SAMD3: variants seen among roughly 807,000 people sequenced by gnomAD.
SAMD3 encodes the protein sterile alpha motif domain containing 3, also known as sterile alpha motif domain-containing protein 3.
A neutral mutation model predicts 58.5 loss-of-function variants in SAMD3; 63 were observed. The ratio of observed to expected loss-of-function variants is 1.08; its 90% confidence interval spans 0.88 to 1.33. SAMD3 has a LOEUF of 1.33. Ranked by LOEUF, SAMD3 falls within the 40% of genes most tolerant of loss-of-function variation. The pLI is 0.00. For synonymous variants in SAMD3, 220 were observed against 210.3 expected (o/e 1.05, Z -0.40); for missense variants, 604 against 608.4 (o/e 0.99, Z 0.08).
At chr6:130,171,817 C>T (rs1037972023) in intron 8 of SAMD3, among the ~76,000 whole-genome samples, 6 of 152,134 alleles carry the variant, frequency 3.9e-5, no homozygotes, top group African/African-American at 9.7e-5. Context: ...GTGTTAAAGT[C>T]GCCTACTATT....
intron 2 of SAMD3, among the ~76,000 whole-genome samples, chr6:130,310,078 A>G (rs1346768754): frequency 6.6e-6 from 1 of 152,250 alleles, no homozygotes; most frequent in Admixed American, 6.5e-5. Flanking sequence ...ATAGAAAAAT[A>G]AAAGAAGAAT....
intron 7 of SAMD3, among the ~76,000 whole-genome samples, chr6:130,180,287 A>ATT (rs56155412): frequency 2.7e-4 from 19 of 69,416 alleles, no homozygotes; most frequent in South Asian, 5.2e-4. Context: ...TACCTGGCTA[A>ATT]TTTTTTTTTT....
chr6:130,209,795 T>C (rs534036228), intron 4 of SAMD3, among the ~76,000 whole-genome samples, 187 bp from the exon 5 acceptor site: 2 of 152,354 alleles, frequency 1.3e-5, no homozygotes, highest in African/African-American at 4.8e-5. Context: ...ATTCAGTGGT[T>C]CCTATGTGCC....
intron 1 of SAMD3, chr6:130,365,073 G>T: frequency 1.6e-6 from 1 of 638,376 alleles, no homozygotes; most frequent in Non-Finnish European, 2.0e-6. Flanking sequence ...CTGCACAGGG[G>T]GTGGTTGGAA....
chr6:130,224,952 A>C (rs1796347260), upstream of SAMD3, among the ~76,000 whole-genome samples: 1 of 152,050 alleles, frequency 6.6e-6, no homozygotes, highest in Non-Finnish European at 1.5e-5. Context: ...CCAAAAGGTA[A>C]AATTCATACC....
Position 130,175,822 on chromosome 6 carries a change from T to C in SAMD3, c.822+19A>G. 6.6e-7 allele frequency: 1 copy of C among 1,526,084 alleles called. No individual in the cohort carries two copies. Among genetic ancestry groups the C allele is most frequent in the Non-Finnish European group, 9.1e-7 (1 of 1,103,432 alleles). The allele number at this position is 1,526,084 out of a possible 1,614,324, so 94.5% of individuals were successfully genotyped here. A position where few individuals can be genotyped will look rare whatever the true frequency, so the allele number is the denominator to read the frequency against. ...ATCAATCTATCAAGTCATCAGAACA[T>C]TTAGGAATTCAATCTTACTTTTATC... On this transcript the variant is annotated intron_variant, in intron 8 of 11. Transcript: ENST00000439090.
intron 2 of SAMD3, among the ~76,000 whole-genome samples, chr6:130,231,602 T>C (rs1160045390): frequency 1.3e-5 from 2 of 151,896 alleles, no homozygotes; most frequent in Non-Finnish European, 2.9e-5. Context: ...TTTTTAAGGA[T>C]AGCATTTCAA....
At chr6:130,278,420 A>T (rs1381751233) in intron 2 of SAMD3, among the ~76,000 whole-genome samples, 2 of 152,212 alleles carry the variant, frequency 1.3e-5, no homozygotes, top group Admixed American at 6.5e-5. Context: ...TGTCTTGATA[A>T]AACAGCTCTG....
chr6:130,145,458 A>C, intron 10 of SAMD3, 36 bp from the exon 11 acceptor site: 2 of 1,474,024 alleles, frequency 1.4e-6, no homozygotes. Flanking sequence ...TGAAGTAAAA[A>C]TAAGCTTTTA....
intron 1 of SAMD3, among the ~76,000 whole-genome samples, chr6:130,348,592 C>T (rs1227284580): frequency 1.3e-5 from 2 of 152,134 alleles, no homozygotes; most frequent in African/African-American, 4.8e-5. Flanking sequence ...TCCTTAGAGA[C>T]CTACAAAGAG....
intron 2 of SAMD3, among the ~76,000 whole-genome samples, chr6:130,293,365 C>T (rs540606062): frequency 1.3e-5 from 2 of 152,254 alleles, no homozygotes; most frequent in South Asian, 2.1e-4. Flanking sequence ...CACAAGTATC[C>T]TTGACCCACA....
At chr6:130,263,963 A>G (rs563823910) in intron 2 of SAMD3, among the ~76,000 whole-genome samples, 10 of 152,338 alleles carry the variant, frequency 6.6e-5, no homozygotes, top group Admixed American at 2.0e-4. Flanking sequence ...AAAATCATAC[A>G]TTCATTTTAC....
intron 2 of SAMD3, among the ~76,000 whole-genome samples, chr6:130,243,296 C>T (rs1435163891): frequency 6.6e-6 from 1 of 152,188 alleles, no homozygotes; most frequent in African/African-American, 2.4e-5. Flanking sequence ...CTGCTCCCTT[C>T]CTCTTCTCTG....
intron 1 of SAMD3, among the ~76,000 whole-genome samples, chr6:130,220,890 G>A (rs2114861910): frequency 6.6e-6 from 1 of 151,478 alleles, no homozygotes; most frequent in South Asian, 2.1e-4. Flanking sequence ...GTCTCGCTCT[G>A]TTGCCCAGGC....
chr6:130,299,180 A>G (rs1240825058), intron 2 of SAMD3, among the ~76,000 whole-genome samples: 1 of 152,180 alleles, frequency 6.6e-6, no homozygotes, highest in Non-Finnish European at 1.5e-5. Flanking sequence ...TGTGCTATGA[A>G]AAATTCTCTA....
At chr6:130,191,834 A>G (rs9492483) in intron 5 of SAMD3, among the ~76,000 whole-genome samples, 57,244 of 152,124 alleles carry the variant, frequency 0.38, 11,500 homozygotes, top group African/African-American at 0.48. Context: ...CATATTTACT[A>G]ATTAGAAGTT....
chr6:130,365,144 C>T (rs1484606141), exon 1 of SAMD3: 14 of 978,300 alleles, frequency 1.4e-5, no homozygotes, highest in Non-Finnish European at 1.7e-5. Flanking sequence ...TATATACAGT[C>T]ATCACCGTCT....
At chr6:130,312,471 T>G (rs1472227625) in intron 2 of SAMD3, among the ~76,000 whole-genome samples, 1 of 151,866 alleles carries the variant, frequency 6.6e-6, no homozygotes, top group Non-Finnish European at 1.5e-5. Context: ...AGAGGTGGAG[T>G]CTTTTCTCAT....
At chr6:130,191,767 T>C (rs1156464557) in intron 5 of SAMD3, among the ~76,000 whole-genome samples, 1 of 152,220 alleles carries the variant, frequency 6.6e-6, no homozygotes, top group African/African-American at 2.4e-5. Flanking sequence ...TAAAATTCTA[T>C]GAGAAAAATA....
Sources: gnomAD v4.1 joint callset for allele counts (sites outside exome capture counted in the v4.1 genomes callset) on GRCh38, gnomAD v4.1.1 for gene constraint, MANE v1.5 for transcripts, NCBI Gene and HGNC (gene_info 2026-07-23, HGNC 2026-07-21) for gene names.